Variants in DECR2 observed in about 807,000 individuals in gnomAD.
The protein encoded by DECR2 is peroxisomal 2,4-dienoyl-CoA reductase [(3E)-enoyl-CoA-producing].
In DECR2, 34 loss-of-function variants were observed where a neutral mutation model predicts 29.2. The ratio of observed to expected loss-of-function variants is 1.16; its 90% CI spans 0.89 to 1.55. The LOEUF (loss-of-function observed/expected upper bound fraction) is 1.55, where lower values mean the gene tolerates loss of function less well. Among genes scored for constraint, DECR2 ranks in the 40% most tolerant of loss-of-function variants. The pLI is 0.00. For missense variants in DECR2, 485 were observed against 425.3 expected, an observed-to-expected ratio of 1.14 and a Z score of -1.23; for synonymous variants, 224 against 182.7, an observed-to-expected ratio of 1.23 and a Z score of -1.82.
In DECR2 at chr16:406,595, T is replaced by C. The variant is rs540595704; in HGVS notation, c.201+198T>C. The C allele has an allele frequency of 1.4e-4, 90 of 642,290 alleles. 3 individuals carry two copies. The South Asian group carries it at 1.6e-3, about 12-fold the overall frequency. 39.8% of individuals were successfully genotyped at this position (642,290 alleles called of 1,614,324 possible). ...TCACTGCAGCCTCCACCTCCCAGGA[T>C]CAAGCGATTCTCCTGCCTCAGCCTC... is the stretch of plus-strand genomic sequence containing the variant. On this transcript the variant is annotated intron_variant, in intron 3 of 8. Transcript: ENST00000219481.
chr16:403,143 C>A, intron 1 of DECR2: 1 of 516,688 alleles, frequency 1.9e-6, no homozygotes, highest in South Asian at 8.4e-5. Context: ...GCTTCAGCCT[C>A]AGTGCGCCCA....
rs375233826 is a variant in DECR2 at position 410,798 on chromosome 16, C to G, written c.556+14C>G. On this transcript the variant is annotated intron_variant, in intron 6 of 8. Coordinates refer to ENST00000219481, the MANE Select transcript of DECR2 (RefSeq NM_020664.4). The surrounding 1 kb of genome is among the most constrained non-coding windows in gnomAD (Gnocchi z 4.1). ...AGGCCGCTGTGGGTATGACCACCCC[C>G]CCCCGCCCAGGTTTGCCCACGTGGG... is the stretch of plus-strand genomic sequence containing the variant. 6 of 1,569,900 alleles carry G rather than the reference C, an allele frequency of 3.8e-6. No individual in the cohort carries two copies. The highest frequency in any genetic ancestry group is 5.2e-6 in the Non-Finnish European group (6 of 1,158,488).
Position 410,717 on chromosome 16 carries a change from C to G in DECR2, c.489C>G (p.Ile163Met). 2 of 1,607,924 alleles carry G rather than the reference C, an allele frequency of 1.2e-6. No individual in the cohort carries two copies. The highest frequency in any genetic ancestry group is 3.4e-5 in the Admixed American group (2 of 59,558). Residue 163 changes from isoleucine to methionine, a missense_variant, in exon 6 of 9, where the codon ATC (isoleucine) becomes ATG (methionine). Transcript: ENST00000219481. This position sits in a 1 kb window ranked among gnomAD's most constrained non-coding sequence, Gnocchi z 4.1. The part of the protein sequence containing the change: ...FRDHGGVIVN[I>M]TATLGNRGQA... The stretch of plus-strand genomic sequence containing the variant: ...ACCACGGAGGGGTGATCGTGAACAT[C>G]ACTGCCACCCTGGGGAACCGGGGGC...
At chr16:406,625 G>A (rs770312350) in intron 3 of DECR2, 27 of 644,530 alleles carry the variant, frequency 4.2e-5, no homozygotes, top group Non-Finnish European at 6.5e-5. Context: ...AGCCTCCGGA[G>A]TAGCTGGGAC....
intron 1 of DECR2, among the ~76,000 whole-genome samples, chr16:402,476 C>T (rs1015102571): frequency 2.0e-5 from 3 of 151,984 alleles, no homozygotes; most frequent in African/African-American, 7.3e-5. Flanking sequence ...AGGTTGAAAT[C>T]ATTTTTCCGG....
intron 4 of DECR2, among the ~76,000 whole-genome samples, chr16:408,212 CCT>C (rs142397215): frequency 0.041 from 1,803 of 43,980 alleles, 93 homozygotes; most frequent in African/African-American, 0.16. Context: ...TCTCCGGCCC[CCT>C]GTCTCCGGGC....
chr16:405,079 G>C (rs2054709037), intron 2 of DECR2, 55 bp downstream of exon 2: 42 of 1,601,652 alleles, frequency 2.6e-5, no homozygotes, highest in Non-Finnish European at 3.6e-5. Context: ...CCCGGGCCCT[G>C]CTGGATGCCC....
chr16:406,793 C>T (rs2054729821), intron 3 of DECR2: 4 of 636,272 alleles, frequency 6.3e-6, no homozygotes, highest in Non-Finnish European at 8.1e-6. Flanking sequence ...AACCACTGTG[C>T]CCGGCCGGCA....
At chr16:406,538 C>A in intron 3 of DECR2, 141 bp downstream of exon 3, 1 of 808,532 alleles carries the variant, frequency 1.2e-6, no homozygotes, top group Non-Finnish European at 2.0e-6. Flanking sequence ...CGCTCTGTCA[C>A]CCAGGCTGAA....
chr16:407,089 G>T, intron 3 of DECR2: 1 of 1,116,782 alleles, frequency 9.0e-7, no homozygotes, highest in Non-Finnish European at 1.1e-6. Flanking sequence ...GGTGGTCCGT[G>T]CGTCCCACCT....
At position 410,614 on chromosome 16, in the gene DECR2, T is replaced by C. The variant is rs1436888497; in HGVS notation, c.463-77T>C. 10 of 1,397,590 alleles carry C rather than the reference T, an allele frequency of 7.2e-6. No individual in the cohort carries two copies. In the Admixed American group the frequency reaches 1.0e-4, roughly 14 times the overall value. 86.6% of individuals were successfully genotyped at this position (1,397,590 alleles called of 1,614,324 possible). A position where few individuals can be genotyped will look rare whatever the true frequency, so the allele number is the denominator to read the frequency against. ...CCGCTCCCTGCCCCGGGCCTCCCCC[T>C]GACAGCCACCCGCTCACTGTCCTGT... On this transcript the variant is annotated intron_variant, in intron 5 of 8. Transcript: ENST00000219481. This position sits in a 1 kb window ranked among gnomAD's most constrained non-coding sequence, Gnocchi z 4.1.
intron 2 of DECR2, chr16:405,588 T>C (rs1444364445): frequency 7.7e-7 from 1 of 1,304,252 alleles, no homozygotes; most frequent in East Asian, 5.5e-5. Flanking sequence ...TTATGGTTAT[T>C]GTGGGCAAGC....
At chr16:406,986 T>TA in intron 3 of DECR2, 1 of 1,017,502 alleles carries the variant, frequency 9.8e-7, no homozygotes, top group Non-Finnish European at 1.2e-6. Flanking sequence ...TTTGACTTTT[T>TA]AAAAAATCTA....
intron 1 of DECR2, among the ~76,000 whole-genome samples, chr16:403,977 T>C (rs2054696213): frequency 6.6e-6 from 1 of 151,802 alleles, no homozygotes; most frequent in African/African-American, 2.4e-5. Flanking sequence ...ATCGAGACCA[T>C]CCTGGCTAAC....
Position 410,521 on chromosome 16 carries a change from G to T in DECR2, c.462+154G>T. The T allele has an allele frequency of 1.5e-6, 2 of 1,365,120 alleles. No homozygotes were observed. The highest frequency in any genetic ancestry group is 1.3e-5 in the South Asian group (1 of 74,928). The allele number at this position is 1,365,120 out of a possible 1,614,324, so 84.6% of individuals were successfully genotyped here. On this transcript the variant is annotated intron_variant, in intron 5 of 8. Coordinates refer to ENST00000219481, the MANE Select transcript of DECR2 (RefSeq NM_020664.4). This position sits in a 1 kb window ranked among gnomAD's most constrained non-coding sequence, Gnocchi z 4.1. ...GGGGGCCTCCCCCTGACGGCCGCCC[G>T]CTCCCTGCCCTGGGCCTCCCCATGA... is the stretch of plus-strand genomic sequence containing the variant.
chr16:407,170 G>A (rs2054735166), intron 3 of DECR2: 4 of 1,311,268 alleles, frequency 3.1e-6, no homozygotes, highest in Non-Finnish European at 3.9e-6. Flanking sequence ...GCAGGACATG[G>A]GTGACAGTGG....
chr16:411,971 G>T lies in DECR2; in HGVS notation c.*82G>T, dbSNP rs909116519. ...CTGAACCAGCAATGCCTGCAGCCCAGCCCCTCCTCTGAACACTCAGCTATT... is the reference window on the plus strand; with the variant it reads ...CTGAACCAGCAATGCCTGCAGCCCATCCCCTCCTCTGAACACTCAGCTATT... On this transcript the variant is annotated 3_prime_UTR_variant, in exon 9 of 9. Transcript: ENST00000219481. 4.8e-6 allele frequency: 1 copy of T among 208,536 alleles called. No individual in the cohort carries two copies. The highest frequency in any genetic ancestry group is 9.5e-6 in the Non-Finnish European group (1 of 104,918). The allele number at this position is 208,536 out of a possible 1,614,324, so 12.9% of individuals were successfully genotyped here.
chr16:403,545 T>G (rs907451888), intron 1 of DECR2, among the ~76,000 whole-genome samples: 1 of 152,282 alleles, frequency 6.6e-6, no homozygotes, highest in African/African-American at 2.4e-5. Flanking sequence ...AGAGAGGAAA[T>G]TATAACCTCT....
Position 407,472 on chromosome 16 carries a change from C to G in DECR2, c.249C>G (p.Leu83=), listed in dbSNP as rs765336258. 3 of 1,613,614 alleles carry G rather than the reference C, an allele frequency of 1.9e-6. No homozygotes were observed. The highest frequency in any genetic ancestry group is 2.2e-5 in the South Asian group (2 of 91,086). ...CCACCGGCCGGCGCTGCCTCCCTCT[C>G]TCTATGGACGTCCGAGCGCCCCCAG... The part of the protein sequence containing the change: ...AGATGRRCLP[L]SMDVRAPPAV... Residue 83 remains leucine (L), a synonymous_variant, in exon 4 of 9, where the codon CTC becomes CTG. Transcript: ENST00000219481.
Sources: allele counts gnomAD v4.1 joint callset (sites outside exome capture counted in the v4.1 genomes callset), GRCh38; gene constraint gnomAD v4.1.1; non-coding constraint Gnocchi (gnomAD v3.1); transcripts MANE v1.5; gene names NCBI Gene and HGNC (gene_info 2026-07-23, HGNC 2026-07-21).